The following APCDD1 variants were observed in gnomAD, a reference collection of about 807,000 sequenced individuals.
The protein encoded by APCDD1 is protein APCDD1.
Under a neutral mutation model 38.1 loss-of-function variants are expected in APCDD1, and 15 were observed. That is an observed-to-expected ratio of 0.39 (90% CI 0.26 to 0.61). APCDD1 has a LOEUF of 0.61. Ranked by LOEUF, APCDD1 falls within the 20% of genes least tolerant of loss-of-function variation. APCDD1 has a pLI of 0.49. For missense variants in APCDD1, 647 were observed against 696.2 expected (o/e 0.93, Z 0.79); for synonymous variants, 261 against 279.7 (o/e 0.93, Z 0.67).
In APCDD1 at chr18:10,468,356, T is replaced by A. The variant is rs2030766458; in HGVS notation, c.59-113T>A. 5.2e-6 allele frequency: 6 copies of A among 1,147,862 alleles called. No individual in the cohort carries two copies. In the East Asian group the frequency reaches 1.4e-4, roughly 27 times the overall value. The allele number at this position is 1,147,862 out of a possible 1,614,324, so 71.1% of individuals were successfully genotyped here. On this transcript the variant is annotated intron_variant, in intron 1 of 4. Transcript: ENST00000355285. ...CGCACTGTGATGACACCTTGTAGAA[T>A]AAACAATCATTTCCCACCTTCAGCC...
intron 3 of APCDD1, among the ~76,000 whole-genome samples, chr18:10,482,795 C>T (rs1487235967): frequency 2.0e-5 from 3 of 152,206 alleles, no homozygotes; most frequent in African/African-American, 7.2e-5. Flanking sequence ...ACTTTCCATC[C>T]TGTGTTTTGA....
chr18:10,481,622 T>C (rs545561686), intron 3 of APCDD1, among the ~76,000 whole-genome samples: 3 of 151,664 alleles, frequency 2.0e-5, no homozygotes, highest in Non-Finnish European at 4.4e-5. Context: ...ACAGTGTGAA[T>C]ATACTTTAAA....
In APCDD1 at chr18:10,488,309, G is replaced by A. The variant is rs1367285687; in HGVS notation, c.*271G>A. On this transcript the variant is annotated 3_prime_UTR_variant, in exon 5 of 5. Coordinates refer to ENST00000355285, the MANE Select transcript of APCDD1 (RefSeq NM_153000.5). ...AGACAGCCTAGAGTTCTGGACGAGC[G>A]TGTTTGGTAGCAGGGATGAAAGCTA... 2.1e-5 allele frequency: 9 copies of A among 431,090 alleles called. No individual in the cohort carries two copies. Among genetic ancestry groups the A allele is most frequent in the Non-Finnish European group, 3.3e-5 (8 of 243,886 alleles). The allele number at this position is 431,090 out of a possible 1,614,324, so 26.7% of individuals were successfully genotyped here.
intron 3 of APCDD1, among the ~76,000 whole-genome samples, chr18:10,479,395 A>G (rs1276741571): frequency 6.6e-6 from 1 of 152,218 alleles, no homozygotes; most frequent in African/African-American, 2.4e-5. Flanking sequence ...ACAAGATCAC[A>G]TCAAGTAATT....
Position 10,454,740 on chromosome 18 carries a change from G to C in APCDD1, c.-242G>C, listed in dbSNP as rs1218742299. On this transcript the variant is annotated 5_prime_UTR_variant, in exon 1 of 5. Coordinates refer to ENST00000355285, the MANE Select transcript of APCDD1 (RefSeq NM_153000.5). ...GGCCGGGCGCGGAGAAGTCGGGGCG[G>C]GCGGCAGAGAGGCCGGGACGCGGAC... 3.1e-6 allele frequency: 3 copies of C among 981,412 alleles called. No individual in the cohort carries two copies. The highest frequency in any genetic ancestry group is 1.1e-4 in the East Asian group (1 of 8,734). The allele number at this position is 981,412 out of a possible 1,614,324, so 60.8% of individuals were successfully genotyped here. A position where few individuals can be genotyped will look rare whatever the true frequency, so the allele number is the denominator to read the frequency against.
intron 1 of APCDD1, among the ~76,000 whole-genome samples, chr18:10,458,093 C>T (rs12606618): frequency 0.16 from 25,073 of 152,184 alleles, 2,066 homozygotes; most frequent in Middle Eastern, 0.26. Flanking sequence ...AGAAACCATT[C>T]AGCTCCAAAA....
chr18:10,458,299 C>T (rs2030433590), intron 1 of APCDD1, among the ~76,000 whole-genome samples: 1 of 152,158 alleles, frequency 6.6e-6, no homozygotes, highest in Non-Finnish European at 1.5e-5. Flanking sequence ...TCAGCTCTCT[C>T]CTTTCATTAA....
intron 3 of APCDD1, among the ~76,000 whole-genome samples, chr18:10,484,096 G>A (rs1027921778): frequency 1.3e-5 from 2 of 152,224 alleles, no homozygotes; most frequent in African/African-American, 4.8e-5. Flanking sequence ...CTGTGTCCGT[G>A]TTATAAAATA....
At chr18:10,464,311 A>AC (rs2030647085) in intron 1 of APCDD1, among the ~76,000 whole-genome samples, 1 of 146,996 alleles carries the variant, frequency 6.8e-6, no homozygotes, top group African/African-American at 2.5e-5. Context: ...CTTCAAAGTA[A>AC]ACACACACAC....
chr18:10,486,226 T>G (rs916058462), intron 4 of APCDD1, among the ~76,000 whole-genome samples: 8 of 152,170 alleles, frequency 5.3e-5, no homozygotes, highest in African/African-American at 1.9e-4. Flanking sequence ...TGGTGGCATG[T>G]GCCTGTAGTC....
Position 10,485,078 on chromosome 18 carries a change from C to T in APCDD1, c.775-384C>T, listed in dbSNP as rs1440816027. ...TCTCATCAGCTGTGTTTAAGGGTTC[C>T]AATTTCTTCACATCCTTGCCAACTT... On this transcript the variant is annotated intron_variant, in intron 3 of 4. Coordinates refer to ENST00000355285, the MANE Select transcript of APCDD1 (RefSeq NM_153000.5). The surrounding 1 kb of genome is among the most constrained non-coding windows in gnomAD (Gnocchi z 5.8). 6.6e-6 allele frequency among the ~76,000 whole-genome samples: 1 copy of T among 152,160 alleles called. No homozygotes were observed. Among genetic ancestry groups the T allele is most frequent in the Non-Finnish European group, 1.5e-5 (1 of 68,040 alleles).
chr18:10,478,871 A>C (rs1288504219), intron 3 of APCDD1, among the ~76,000 whole-genome samples: 1 of 152,166 alleles, frequency 6.6e-6, no homozygotes, highest in African/African-American at 2.4e-5. Flanking sequence ...AAGCTCCTAG[A>C]ATCCCAGATA....
intron 3 of APCDD1, among the ~76,000 whole-genome samples, chr18:10,480,848 A>C (rs940371987): frequency 3.9e-5 from 6 of 151,916 alleles, no homozygotes; most frequent in African/African-American, 1.2e-4. Flanking sequence ...AACCTGGGCA[A>C]CCCCCAGACT....
At chr18:10,459,092 A>G (rs12961261) in intron 1 of APCDD1, among the ~76,000 whole-genome samples, 25,341 of 152,154 alleles carry the variant, frequency 0.17, 2,125 homozygotes, top group Middle Eastern at 0.26. Context: ...TCATTCAGCT[A>G]ACCATTTATT....
intron 1 of APCDD1, among the ~76,000 whole-genome samples, chr18:10,459,481 T>G (rs1374216147): frequency 6.6e-6 from 1 of 152,224 alleles, no homozygotes; most frequent in African/African-American, 2.4e-5. Context: ...TAACTTGTTT[T>G]CAACTAAAGT....
In APCDD1 at chr18:10,475,795, G is replaced by GT. The variant is rs916354961; in HGVS notation, c.774+3734_774+3735insT. 8.3e-5 allele frequency: 8 copies of GT among 96,592 alleles called. No individual in the cohort carries two copies. The highest frequency in any genetic ancestry group is 3.7e-4 in the South Asian group (1 of 2,722). 6.0% of individuals were successfully genotyped at this position (96,592 alleles called of 1,614,324 possible). On this transcript the variant is annotated intron_variant, in intron 3 of 4. Coordinates refer to ENST00000355285, the MANE Select transcript of APCDD1 (RefSeq NM_153000.5). The surrounding 1 kb of genome is among the most constrained non-coding windows in gnomAD (Gnocchi z 4.0). ...CTAGCTGCCTCGCAAGATGGCTGAG[G>GT]GGGGGGGGGGTCAGTGGAAGGCCGA...
chr18:10,487,871 C>A lies in APCDD1; in HGVS notation c.1378C>A (p.Gln460Lys). The change falls in exon 5 of 5, where the codon CAG (glutamine) becomes AAG (lysine). Residue 460 changes from glutamine (Q) to lysine (K), a missense_variant. Physicochemically the swap from Gln to Lys is moderately conservative, Grantham distance 53. Coordinates refer to ENST00000355285, the MANE Select transcript of APCDD1 (RefSeq NM_153000.5). Reference sequence around the variant, plus strand: ...GCCAGAGAAGAGAGCCACGTCCTACCAGATGCCCTTGGTCCAGTGTGCCTC... The same window carrying A: ...GCCAGAGAAGAGAGCCACGTCCTACAAGATGCCCTTGGTCCAGTGTGCCTC... ...DRPEKRATSY[Q>K]MPLVQCASSS... is the part of the protein sequence containing the mutation. 1 of 1,613,814 alleles carries A rather than the reference C, an allele frequency of 6.2e-7. No individual in the cohort carries two copies. Among genetic ancestry groups the A allele is most frequent in the Non-Finnish European group, 8.5e-7 (1 of 1,179,992 alleles).
chr18:10,454,900 G>C lies in APCDD1; in HGVS notation c.-82G>C. The C allele has an allele frequency of 1.4e-6, 2 of 1,381,278 alleles. No homozygotes were observed. The highest frequency in any genetic ancestry group is 1.9e-6 in the Non-Finnish European group (2 of 1,058,638). The allele number at this position is 1,381,278 out of a possible 1,614,324, so 85.6% of individuals were successfully genotyped here. On this transcript the variant is annotated 5_prime_UTR_variant, in exon 1 of 5. Coordinates refer to ENST00000355285, the MANE Select transcript of APCDD1 (RefSeq NM_153000.5). ...CCTGGCCCGGCCGCACCCGGCCGGAGGCGGAGGGCAGAGCGCGCGCCCAGT... is the reference window on the plus strand; with the variant it reads ...CCTGGCCCGGCCGCACCCGGCCGGACGCGGAGGGCAGAGCGCGCGCCCAGT...
Position 10,488,541 on chromosome 18 carries a change from G to T in APCDD1, c.*503G>T, listed in dbSNP as rs969727718. Reference sequence around the variant, plus strand: ...GATCAAGACACCTTTTATTAATAAAGAAGAGACACAGGTGTAGATATGTAT... The same window carrying T: ...GATCAAGACACCTTTTATTAATAAATAAGAGACACAGGTGTAGATATGTAT... On this transcript the variant is annotated 3_prime_UTR_variant, in exon 5 of 5. Transcript: ENST00000355285. 1 of 158,984 alleles carries T rather than the reference G, an allele frequency of 6.3e-6. No individual in the cohort carries two copies. The highest frequency in any genetic ancestry group is 2.4e-5 in the African/African-American group (1 of 41,466). 9.8% of individuals were successfully genotyped at this position (158,984 alleles called of 1,614,324 possible). A position where few individuals can be genotyped will look rare whatever the true frequency, so the allele number is the denominator to read the frequency against.
Sources: gnomAD v4.1 joint callset for allele counts (sites outside exome capture counted in the v4.1 genomes callset) on GRCh38, gnomAD v4.1.1 for gene constraint, Gnocchi (gnomAD v3.1) non-coding constraint, MANE v1.5 for transcripts, NCBI Gene and HGNC (gene_info 2026-07-23, HGNC 2026-07-21) for gene names.